Variants in PTPRF observed in about 807,000 individuals in gnomAD.
The protein encoded by PTPRF is protein tyrosine phosphatase receptor type F, also known as receptor-type tyrosine-protein phosphatase F.
Under a neutral mutation model 201.8 loss-of-function variants are expected in PTPRF, and 59 were observed. The ratio of observed to expected loss-of-function variants is 0.29; its 90% CI spans 0.24 to 0.36. PTPRF has a LOEUF of 0.36. PTPRF is among the 10% of genes least tolerant of loss of function. PTPRF has a pLI of 1.00. For synonymous variants in PTPRF, 1,088 were observed against 1,089.7 expected (o/e 1.00, Z 0.03); for missense variants, 2,132 against 2,690.5 (o/e 0.79, Z 4.59).
At position 43,613,674 on chromosome 1, in the gene PTPRF, C is replaced by A; in HGVS notation, c.4030C>A (p.Leu1344Ile). The change falls in exon 23 of 34, where the codon CTC becomes ATC. Residue 1344 changes from leucine (L) to isoleucine (I), a missense_variant. This residue lies in a region of PTPRF where 818 missense variants were observed against 915.3 expected (regional missense o/e 0.89). Coordinates refer to ENST00000359947, the MANE Select transcript of PTPRF (RefSeq NM_002840.5). ...CGACCTGGCGGACAACATCGAGCGC[C>A]TCAAAGCCAACGATGGCCTCAAGTT... Reference protein sequence around the residue: ...ITDLADNIERLKANDGLKFSQ... With the variant: ...ITDLADNIERIKANDGLKFSQ... 6.2e-7 allele frequency: 1 copy of A among 1,614,218 alleles called. No homozygotes were observed. Among genetic ancestry groups the A allele is most frequent in the Non-Finnish European group, 8.5e-7 (1 of 1,180,014 alleles).
intron 1 of PTPRF, among the ~76,000 whole-genome samples, chr1:43,533,659 G>C (rs919119904): frequency 2.6e-5 from 4 of 152,164 alleles, no homozygotes; most frequent in Non-Finnish European, 1.5e-5. Context: ...CAGGGCTGTT[G>C]TAAGAATCCA....
At chr1:43,547,036 C>A (rs190784560) in intron 3 of PTPRF, among the ~76,000 whole-genome samples, 1 of 152,142 alleles carries the variant, frequency 6.6e-6, no homozygotes, top group Non-Finnish European at 1.5e-5. Context: ...AAGGTAGAGT[C>A]GTGTCACAAG....
At chr1:43,601,265 C>T (rs1319884056) in intron 13 of PTPRF, among the ~76,000 whole-genome samples, 1 of 152,232 alleles carries the variant, frequency 6.6e-6, no homozygotes, top group East Asian at 1.9e-4. Flanking sequence ...GAATGGAGAC[C>T]TCACAGTCCC....
chr1:43,605,136 C>T (rs1226603320), intron 17 of PTPRF, 54 bp from the exon 18 acceptor site: 1 of 1,575,458 alleles, frequency 6.3e-7, no homozygotes, highest in Admixed American at 1.7e-5. Context: ...GCCTTGCAGC[C>T]CGTGGTAGGG....
At chr1:43,612,683 G>A in intron 22 of PTPRF, 1 of 1,206,952 alleles carries the variant, frequency 8.3e-7, no homozygotes, top group Non-Finnish European at 1.1e-6. Context: ...TGTGTGTGAT[G>A]GTGCTGTAAG....
chr1:43,596,389 G>A (rs1247465803), intron 11 of PTPRF, among the ~76,000 whole-genome samples: 4 of 152,104 alleles, frequency 2.6e-5, no homozygotes, highest in African/African-American at 9.7e-5. Flanking sequence ...AGGGGCTGCT[G>A]AAGTCCCCAT....
intron 19 of PTPRF, 33 bp downstream of exon 19, chr1:43,605,655 C>G: frequency 6.3e-7 from 1 of 1,591,684 alleles, no homozygotes; most frequent in Non-Finnish European, 8.6e-7. Flanking sequence ...CACTGACAGC[C>G]CCATTGCAGT....
In PTPRF at chr1:43,608,052, A is replaced by C. The variant is rs140926479; in HGVS notation, c.3857+1084A>C. Among the ~76,000 whole-genome samples the C allele has an allele frequency of 8.3e-4, 127 of 152,308 alleles. 1 individual carries two copies. In the East Asian group the frequency reaches 0.024, roughly 29 times the overall value. On this transcript the variant is annotated intron_variant, in intron 21 of 33. Coordinates refer to ENST00000359947, the MANE Select transcript of PTPRF (RefSeq NM_002840.5). ...CCTGTATCCTGTGTGCCTACCCTGG[A>C]CCCACTGTTCCTTCCTAAAGAGTCC...
chr1:43,538,039 A>G (rs1644131685), intron 1 of PTPRF, among the ~76,000 whole-genome samples, 159 bp from the exon 2 acceptor site: 1 of 152,110 alleles, frequency 6.6e-6, no homozygotes, highest in Non-Finnish European at 1.5e-5. Context: ...AAGGGAAAAG[A>G]TGGGCATTTT....
chr1:43,554,390 C>G lies in PTPRF; in HGVS notation c.379+449C>G, dbSNP rs1036690867. 5.3e-5 allele frequency among the ~76,000 whole-genome samples: 8 copies of G among 152,142 alleles called. No homozygotes were observed. Among genetic ancestry groups the G allele is most frequent in the Non-Finnish European group, 8.8e-5 (6 of 68,022 alleles). ...CCGTGGATTTTAGTGTCTTCTCTCACTTGGTGGCTTCTCCATTCATTCACA... is the reference window on the plus strand; with the variant it reads ...CCGTGGATTTTAGTGTCTTCTCTCAGTTGGTGGCTTCTCCATTCATTCACA... On this transcript the variant is annotated intron_variant, in intron 5 of 33. Coordinates refer to ENST00000359947, the MANE Select transcript of PTPRF (RefSeq NM_002840.5). This position sits in a 1 kb window ranked among gnomAD's most constrained non-coding sequence, Gnocchi z 4.1.
At chr1:43,579,021 C>A (rs1305649803) in intron 7 of PTPRF, 101 bp downstream of exon 7, 8 of 1,036,352 alleles carry the variant, frequency 7.7e-6, no homozygotes, top group Non-Finnish European at 3.0e-6. Flanking sequence ...CAAGGGACTG[C>A]CATGGGCCCA....
intron 21 of PTPRF, among the ~76,000 whole-genome samples, chr1:43,607,260 A>G (rs1487562807): frequency 6.6e-6 from 1 of 152,214 alleles, no homozygotes; most frequent in African/African-American, 2.4e-5. Context: ...GTTTCTGTGG[A>G]TAAGAGTGCG....
Position 43,619,674 on chromosome 1 carries a change from C to G in PTPRF, c.4933-6C>G. 6.2e-7 allele frequency: 1 copy of G among 1,613,780 alleles called. No individual in the cohort carries two copies. Among genetic ancestry groups the G allele is most frequent in the Non-Finnish European group, 8.5e-7 (1 of 1,179,798 alleles). On this transcript the variant is annotated splice_polypyrimidine_tract_variant and splice_region_variant and intron_variant, in intron 28 of 33. Transcript: ENST00000359947. The stretch of plus-strand genomic sequence containing the variant: ...CCTGGCCTGACCAATCCCTGCCTCT[C>G]AATAGTTGCTGGCCAGCTCCAAGGC...
At position 43,617,801 on chromosome 1, in the gene PTPRF, A is replaced by G. The variant is rs1328990399; in HGVS notation, c.4261A>G (p.Ile1421Val). Residue 1421 changes from isoleucine to valine, a missense_variant, in exon 25 of 34, where the codon ATC becomes GTC. Around this residue, in one of 6 missense-constraint regions of PTPRF, gnomAD observed 22 missense variants for 48.1 expected, o/e 0.46. Transcript: ENST00000359947. ...TGGCTACCGCAAGCAGAATGCCTAC[A>G]TCGCCACGCAGGGCCCCCTGCCCGA... ...IDGYRKQNAY[I>V]ATQGPLPETM... is the part of the protein sequence containing the mutation. 2 of 1,613,956 alleles carry G rather than the reference A, an allele frequency of 1.2e-6. No individual in the cohort carries two copies. Among genetic ancestry groups the G allele is most frequent in the Admixed American group, 1.7e-5 (1 of 60,004 alleles).
chr1:43,583,546 G>A (rs909772734), intron 7 of PTPRF, among the ~76,000 whole-genome samples: 4 of 152,184 alleles, frequency 2.6e-5, no homozygotes, highest in Non-Finnish European at 4.4e-5. Flanking sequence ...AGGCTCAGCC[G>A]AAACTACTGG....
intron 21 of PTPRF, among the ~76,000 whole-genome samples, chr1:43,608,876 G>T (rs181308036): frequency 6.6e-6 from 1 of 152,178 alleles, no homozygotes; most frequent in Non-Finnish European, 1.5e-5. Flanking sequence ...GAAAACTGAG[G>T]CCAGTGAGAG....
At chr1:43,600,409 G>A (rs1023578273) in intron 13 of PTPRF, among the ~76,000 whole-genome samples, 15 of 152,188 alleles carry the variant, frequency 9.9e-5, no homozygotes, top group Admixed American at 9.2e-4. Flanking sequence ...TCATGGGGGC[G>A]GTAACTCGAG....
At chr1:43,575,880 A>C (rs1349114370) in intron 6 of PTPRF, 1 of 1,355,792 alleles carries the variant, frequency 7.4e-7, no homozygotes, top group East Asian at 4.6e-5. Context: ...CTTCTCTCTG[A>C]TCTTATTTGC....
At chr1:43,523,651 T>C (rs1214471727), upstream of PTPRF, among the ~76,000 whole-genome samples, 1 of 152,112 alleles carries the variant, frequency 6.6e-6, no homozygotes, top group Non-Finnish European at 1.5e-5. Flanking sequence ...ACATTGTGTT[T>C]TGGGGAGATG....
Sources: allele counts gnomAD v4.1 joint callset (sites outside exome capture counted in the v4.1 genomes callset), GRCh38; gene constraint gnomAD v4.1.1; regional missense constraint gnomAD v4.1.1; non-coding constraint Gnocchi (gnomAD v3.1); transcripts MANE v1.5; gene names NCBI Gene and HGNC (gene_info 2026-07-23, HGNC 2026-07-21).